EHMT1: variants seen among roughly 807,000 people sequenced by gnomAD.
EHMT1 encodes the protein euchromatic histone lysine methyltransferase 1.
EHMT1 carries 15 observed loss-of-function variants against 147.2 expected under a neutral mutation model. The ratio of observed to expected loss-of-function variants is 0.10; its 90% CI spans 0.07 to 0.16. The LOEUF is 0.16. Ranked by LOEUF, EHMT1 falls within the 10% of genes least tolerant of loss-of-function variation. EHMT1 has a pLI of 1.00. For synonymous variants in EHMT1, 795 were observed against 709.6 expected (o/e 1.12, Z -1.91); for missense variants, 1,587 against 1,772.4 (o/e 0.90, Z 1.88).
At chr9:137,763,598 T>A (rs1320181282) in intron 10 of EHMT1, 1 of 154,684 alleles carries the variant, frequency 6.5e-6, no homozygotes, top group African/African-American at 2.4e-5. Context: ...TTCCTGGTCT[T>A]ATTGGCCAGC....
chr9:137,796,124 A>C (rs1199562990), intron 16 of EHMT1, among the ~76,000 whole-genome samples: 1 of 152,188 alleles, frequency 6.6e-6, no homozygotes, highest in African/African-American at 2.4e-5. Flanking sequence ...CAACACGAAG[A>C]CGCCAGCCAG....
Position 137,715,432 on chromosome 9 carries a change from C to T in EHMT1, c.86-1194C>T, listed in dbSNP as rs1348720484. 1.2e-5 allele frequency: 7 copies of T among 579,712 alleles called. No homozygotes were observed. The East Asian group carries it at 7.1e-4, about 59-fold the overall frequency. The allele number at this position is 579,712 out of a possible 1,614,324, so 35.9% of individuals were successfully genotyped here. A position where few individuals can be genotyped will look rare whatever the true frequency, so the allele number is the denominator to read the frequency against. ...CTGGTAAACAGACAGGGCATTTGCGCTCATAGGACTTAACGTCCTCGGGTG... is the reference window on the plus strand; with the variant it reads ...CTGGTAAACAGACAGGGCATTTGCGTTCATAGGACTTAACGTCCTCGGGTG... On this transcript the variant is annotated intron_variant, in intron 2 of 26. Coordinates refer to ENST00000460843, the MANE Select transcript of EHMT1 (RefSeq NM_024757.5).
intron 1 of EHMT1, among the ~76,000 whole-genome samples, chr9:137,623,084 C>T (rs1471738892): frequency 1.7e-4 from 26 of 150,422 alleles, no homozygotes. Context: ...GTGGTGGCGG[C>T]CGCCTGTAGT....
chr9:137,622,122 CT>C (rs906172361), intron 1 of EHMT1, among the ~76,000 whole-genome samples: 4 of 137,848 alleles, frequency 2.9e-5, no homozygotes, highest in African/African-American at 8.1e-5. Context: ...CCCCTCCCCC[CT>C]TTTTTTTCTT....
chr9:137,752,462 A>G, intron 7 of EHMT1, 54 bp downstream of exon 7: 1 of 1,584,942 alleles, frequency 6.3e-7, no homozygotes, highest in Non-Finnish European at 8.6e-7. Context: ...AGATGCAAAG[A>G]CACCAGCGTC....
chr9:137,727,317 A>G (rs1309626413), intron 3 of EHMT1, among the ~76,000 whole-genome samples: 1 of 151,858 alleles, frequency 6.6e-6, no homozygotes, highest in African/African-American at 2.4e-5. Context: ...CAGTTTGTCT[A>G]TTTTTTTCTT....
At position 137,775,002 on chromosome 9, in the gene EHMT1, A is replaced by G. The variant is rs377497651; in HGVS notation, c.1648-107A>G. On this transcript the variant is annotated intron_variant, in intron 10 of 26. Transcript: ENST00000460843. The surrounding 1 kb of genome is among the most constrained non-coding windows in gnomAD (Gnocchi z 6.1). The stretch of plus-strand genomic sequence containing the variant: ...TTGCAGGGCTCGGCTCAGTCAGCCC[A>G]CACCTGCTGAGCAGCTCTTGTGTGC... The G allele has an allele frequency of 8.5e-6, 13 of 1,538,096 alleles. No individual in the cohort carries two copies. Among genetic ancestry groups the G allele is most frequent in the Admixed American group, 5.0e-5 (3 of 59,710 alleles).
chr9:137,830,583 A>G (rs1003125644), intron 25 of EHMT1, among the ~76,000 whole-genome samples: 2 of 152,216 alleles, frequency 1.3e-5, no homozygotes, highest in African/African-American at 2.4e-5. Context: ...TCCAGATATT[A>G]CCGATAACAG....
Position 137,716,766 on chromosome 9 carries a change from A to G in EHMT1, c.226A>G (p.Ser76Gly). Reference protein sequence around the residue: ...HANAAKHTQDSARVNPQDGTN... With the variant: ...HANAAKHTQDGARVNPQDGTN... ...AAATGCTGCAAAGCACACTCAGGAC[A>G]GCGCAAGGGTCAACCCCCAGGATGG... is the stretch of plus-strand genomic sequence containing the variant. The change falls in exon 3 of 27, where the codon AGC (serine) becomes GGC (glycine). Residue 76 changes from serine to glycine, a missense_variant. Around this residue, in one of 7 missense-constraint regions of EHMT1, gnomAD observed 810 missense variants for 673.0 expected, o/e 1.20. Coordinates refer to ENST00000460843, the MANE Select transcript of EHMT1 (RefSeq NM_024757.5). 6.2e-7 allele frequency: 1 copy of G among 1,612,948 alleles called. No individual in the cohort carries two copies. The highest frequency in any genetic ancestry group is 8.5e-7 in the Non-Finnish European group (1 of 1,179,720).
intron 6 of EHMT1, chr9:137,745,677 G>T (rs977474715): frequency 2.5e-6 from 1 of 396,992 alleles, no homozygotes; most frequent in Non-Finnish European, 4.4e-6. Context: ...TCGCTCCAGT[G>T]CACTGTCTGT....
In EHMT1 at chr9:137,762,787, C is replaced by A. The variant is rs752162672; in HGVS notation, c.1614C>A (p.Asn538Lys). The A allele has an allele frequency of 1.9e-5, 30 of 1,614,228 alleles. No homozygotes were observed. The highest frequency in any genetic ancestry group is 2.3e-5 in the Non-Finnish European group (27 of 1,180,048). ...KSREITTLAN[N>K]QCMATESVDH... ...GAGAGATCACCACACTGGCCAACAACCAGTGCATGGCTACAGAGAGCGTGG... is the reference window on the plus strand; with the variant it reads ...GAGAGATCACCACACTGGCCAACAAACAGTGCATGGCTACAGAGAGCGTGG... The change falls in exon 10 of 27, where the codon AAC (asparagine) becomes AAA (lysine). Residue 538 changes from asparagine (N) to lysine (K), a missense_variant. Physicochemically the swap from Asn to Lys is moderately conservative, Grantham distance 94. Transcript: ENST00000460843.
At chr9:137,804,775 CT>C (rs886292917) in intron 18 of EHMT1, among the ~76,000 whole-genome samples, 71 of 146,148 alleles carry the variant, frequency 4.9e-4, no homozygotes, top group Middle Eastern at 7.0e-3. Context: ...ATGGATTGAA[CT>C]TTTTTTTTTT....
intron 1 of EHMT1, among the ~76,000 whole-genome samples, chr9:137,666,424 GT>G (rs1939653926): frequency 6.6e-6 from 1 of 152,236 alleles, no homozygotes; most frequent in South Asian, 2.1e-4. Flanking sequence ...GTGTTTTCCT[GT>G]TTTATTCTCC....
chr9:137,800,070 C>G (rs1047022735), intron 17 of EHMT1, among the ~76,000 whole-genome samples: 4 of 152,130 alleles, frequency 2.6e-5, no homozygotes, highest in African/African-American at 9.7e-5. Context: ...GGCTGACTGT[C>G]CACCGCAGGG....
chr9:137,650,720 G>A (rs1002787694), intron 1 of EHMT1: 1 of 141,422 alleles, frequency 7.1e-6, no homozygotes, highest in African/African-American at 2.6e-5. Flanking sequence ...ATGTTGGAGT[G>A]CAGTGGGGTG....
chr9:137,772,450 T>C (rs929359864), intron 10 of EHMT1, among the ~76,000 whole-genome samples: 14 of 152,092 alleles, frequency 9.2e-5, no homozygotes, highest in African/African-American at 3.1e-4. Flanking sequence ...CTGCAGAGGG[T>C]GACCCCTCAC....
At chr9:137,663,086 C>T (rs528922504) in intron 1 of EHMT1, among the ~76,000 whole-genome samples, 20 of 152,310 alleles carry the variant, frequency 1.3e-4, no homozygotes, top group Non-Finnish European at 2.5e-4. Flanking sequence ...AGCCACCGCG[C>T]CCAGTCCTGG....
At chr9:137,647,719 C>T (rs556481417) in intron 1 of EHMT1, among the ~76,000 whole-genome samples, 11 of 151,936 alleles carry the variant, frequency 7.2e-5, no homozygotes, top group South Asian at 6.2e-4. Flanking sequence ...CTCAGCCTTC[C>T]GAGTAGCTGG....
At chr9:137,754,942 T>C (rs149996119) in intron 8 of EHMT1, among the ~76,000 whole-genome samples, 245 of 152,332 alleles carry the variant, frequency 1.6e-3, no homozygotes, top group Non-Finnish European at 3.0e-3. Flanking sequence ...GTGAGGCACC[T>C]GTGCCTCGGT....
Sources: allele counts gnomAD v4.1 joint callset (sites outside exome capture counted in the v4.1 genomes callset), GRCh38; gene constraint gnomAD v4.1.1; regional missense constraint gnomAD v4.1.1; non-coding constraint Gnocchi (gnomAD v3.1); transcripts MANE v1.5; gene names NCBI Gene and HGNC (gene_info 2026-07-23, HGNC 2026-07-21).